The following SLC9D1 variants were observed in gnomAD, a reference collection of about 807,000 sequenced individuals.
SLC9D1 encodes solute carrier family 9 member D1.
At chr13:113,495,802 C>T in the SLC9D1 span, 68 of 1,614,024 alleles carry the variant, frequency 4.2e-5, 1 homozygote, top group South Asian at 6.9e-4. Flanking sequence ...CTGAAAACTG[C>T]AATTGGAGCA....
the SLC9D1 span, chr13:113,510,570 C>A: frequency 1.4e-6 from 1 of 699,540 alleles, no homozygotes; most frequent in Non-Finnish European, 2.4e-6. Context: ...GATACCAGGG[C>A]TTACATTCTG....
At chr13:113,525,471 A>T in the SLC9D1 span, among the ~76,000 whole-genome samples, 1 of 152,214 alleles carries the variant, frequency 6.6e-6, no homozygotes, top group African/African-American at 2.4e-5. Context: ...GTTAGAGTGT[A>T]CTCCTTCTAC....
the SLC9D1 span, chr13:113,549,458 A>G: frequency 6.2e-7 from 1 of 1,613,998 alleles, no homozygotes; most frequent in Non-Finnish European, 8.5e-7. Flanking sequence ...GACCACGCTC[A>G]GCCTCTTGCT....
chr13:113,548,353 G>C, the SLC9D1 span: 1 of 1,614,034 alleles, frequency 6.2e-7, no homozygotes, highest in Non-Finnish European at 8.5e-7. Context: ...GGAGCAGCCA[G>C]TACATCAAGT....
At chr13:113,512,842 G>A in the SLC9D1 span, among the ~76,000 whole-genome samples, 1 of 151,364 alleles carries the variant, frequency 6.6e-6, no homozygotes, top group Non-Finnish European at 1.5e-5. Flanking sequence ...CGGAGCCCCA[G>A]GTGCTGGGAC....
the SLC9D1 span, chr13:113,503,377 G>GTA: frequency 4.8e-6 from 3 of 618,656 alleles, no homozygotes; most frequent in Non-Finnish European, 8.6e-6. Flanking sequence ...GTGTGTGTGT[G>GTA]TGTGTGTATG....
the SLC9D1 span, among the ~76,000 whole-genome samples, chr13:113,509,321 G>T: frequency 7.4e-6 from 1 of 134,922 alleles, no homozygotes; most frequent in Non-Finnish European, 1.5e-5. Flanking sequence ...TAGGATGGCA[G>T]GCTTGGTGGG....
the SLC9D1 span, chr13:113,512,007 G>C: frequency 5.4e-5 from 8 of 148,910 alleles, no homozygotes; most frequent in Non-Finnish European, 1.2e-4. Flanking sequence ...TATACACTCG[G>C]AGTCGCGGGG....
At chr13:113,528,193 T>C in the SLC9D1 span, 1 of 152,146 alleles carries the variant, frequency 6.6e-6, no homozygotes, top group Admixed American at 6.5e-5. Context: ...TTCCCGATTC[T>C]TAATATGATG....
chr13:113,513,257 C>T, the SLC9D1 span, among the ~76,000 whole-genome samples: 9 of 152,260 alleles, frequency 5.9e-5, no homozygotes, highest in African/African-American at 2.2e-4. Context: ...GTGAAAGTAC[C>T]ATCCAAGAGT....
the SLC9D1 span, among the ~76,000 whole-genome samples, chr13:113,499,581 C>T: frequency 6.6e-6 from 1 of 152,152 alleles, no homozygotes; most frequent in African/African-American, 2.4e-5. Context: ...CGAAAATTGA[C>T]TGTGGGTCTT....
At chr13:113,500,130 C>A in the SLC9D1 span, 1 of 1,520,346 alleles carries the variant, frequency 6.6e-7, no homozygotes, top group Non-Finnish European at 8.9e-7. Context: ...ATCCCACGTG[C>A]AGATCACCAC....
At chr13:113,510,212 G>T in the SLC9D1 span, 1 of 1,603,506 alleles carries the variant, frequency 6.2e-7, no homozygotes, top group Non-Finnish European at 8.5e-7. Flanking sequence ...ACTAAAAAGT[G>T]TGTGACTCAC....
the SLC9D1 span, among the ~76,000 whole-genome samples, chr13:113,542,788 C>G: frequency 6.6e-6 from 1 of 152,122 alleles, no homozygotes. Flanking sequence ...TCAGCACAAC[C>G]TCAACCAAAC....
chr13:113,528,575 T>C, the SLC9D1 span: 3 of 152,068 alleles, frequency 2.0e-5, no homozygotes, highest in Non-Finnish European at 2.9e-5. Flanking sequence ...TTTCTGTGAA[T>C]TGGGGAGGAC....
the SLC9D1 span, among the ~76,000 whole-genome samples, chr13:113,547,752 C>G: frequency 3.9e-5 from 6 of 152,168 alleles, no homozygotes; most frequent in Non-Finnish European, 5.9e-5. Flanking sequence ...TGCCAGTGAT[C>G]GAGCTGCCTG....
the SLC9D1 span, among the ~76,000 whole-genome samples, chr13:113,507,451 T>C: frequency 2.0e-5 from 3 of 152,204 alleles, no homozygotes; most frequent in African/African-American, 2.4e-5. Context: ...ACCACACTTA[T>C]GGGTGGGAAA....
At chr13:113,504,057 A>G in the SLC9D1 span, 1 of 154,584 alleles carries the variant, frequency 6.5e-6, no homozygotes, top group Non-Finnish European at 1.4e-5. Context: ...AACACTGTTC[A>G]TAACAAAAAC....
chr13:113,507,906 A>T, the SLC9D1 span, among the ~76,000 whole-genome samples: 2 of 152,218 alleles, frequency 1.3e-5, no homozygotes, highest in Admixed American at 1.3e-4. Context: ...CGGGGGTGCC[A>T]AGGGGCCCTC....
Sources: gnomAD v4.1 joint callset for allele counts (sites outside exome capture counted in the v4.1 genomes callset) on GRCh38, gnomAD v4.1.1 for gene constraint, MANE v1.5 for transcripts, NCBI Gene and HGNC (gene_info 2026-07-23, HGNC 2026-07-21) for gene names.